Variants in SNX1 observed in about 807,000 individuals in gnomAD.
The protein encoded by SNX1 is sorting nexin-1.
In SNX1, 36 loss-of-function variants were observed where a neutral mutation model predicts 71.8. That is an observed-to-expected ratio of 0.50 (90% CI 0.38 to 0.66). The LOEUF (loss-of-function observed/expected upper bound fraction) is 0.66. Among genes scored for constraint, SNX1 ranks in the 30% least tolerant of loss-of-function variants. The probability of loss-of-function intolerance (pLI) is 0.00; values close to 1 mark genes in which losing one functional copy is unlikely to be tolerated. For synonymous variants in SNX1, 254 were observed against 240.7 expected, an observed-to-expected ratio of 1.06 and a Z score of -0.51; for missense variants, 612 against 646.7, an observed-to-expected ratio of 0.95 and a Z score of 0.58.
chr15:64,102,998 C>T (rs2080980732), intron 1 of SNX1, among the ~76,000 whole-genome samples: 1 of 152,028 alleles, frequency 6.6e-6, no homozygotes, highest in South Asian at 2.1e-4. Flanking sequence ...AACTCCTGGG[C>T]TCAAGTGATG....
rs1226372712 is a variant in SNX1, at chr15:64,139,996, CAGTT to C, written c.*2379_*2382del. The stretch of plus-strand genomic sequence containing the variant: ...GTGCGTCGTAATCAGCATATAATGT[CAGTT>C]GGTCCCATTAATGTTGTTAACTCTG... On this transcript the variant is annotated 3_prime_UTR_variant, in exon 15 of 15. Coordinates refer to ENST00000559844, the MANE Select transcript of SNX1 (RefSeq NM_003099.5). The C allele has an allele frequency of 6.6e-6, 1 of 152,130 alleles. No individual in the cohort carries two copies. The highest frequency in any genetic ancestry group is 2.4e-5 in the African/African-American group (1 of 41,414). 9.4% of individuals were successfully genotyped at this position (152,130 alleles called of 1,614,324 possible). A position where few individuals can be genotyped will look rare whatever the true frequency, so the allele number is the denominator to read the frequency against.
intron 1 of SNX1, among the ~76,000 whole-genome samples, chr15:64,102,048 A>T (rs1341999847): frequency 1.3e-5 from 2 of 152,246 alleles, no homozygotes; most frequent in Non-Finnish European, 2.9e-5. Flanking sequence ...AAGAAAAAAA[A>T]TTAAAGAATA....
rs1278999971 is a variant in SNX1, at chr15:64,135,763, A to AAG, written c.1366-566_1366-565insGA. ...ACAGAGCAAGACTCTGTCTCAAAAA[A>AAG]AAAAAAAAAAAAATTAGACGTGATG... On this transcript the variant is annotated intron_variant, in intron 12 of 14. Transcript: ENST00000559844. Among the ~76,000 whole-genome samples, 7 of 151,412 alleles carry AAG rather than the reference A, an allele frequency of 4.6e-5. No individual in the cohort carries two copies. The East Asian group carries it at 1.4e-3, about 30-fold the overall frequency.
Position 64,142,824 on chromosome 15 carries a change from G to A in SNX1, c.*5206G>A, listed in dbSNP as rs569472803. The A allele has an allele frequency of 1.1e-4, 39 of 351,122 alleles. No homozygotes were observed. In the East Asian group the frequency reaches 2.3e-3, roughly 21 times the overall value. 21.8% of individuals were successfully genotyped at this position (351,122 alleles called of 1,614,324 possible). A position where few individuals can be genotyped will look rare whatever the true frequency, so the allele number is the denominator to read the frequency against. ...GAGAGAAACGGGAATAAGAATTGTCGCCTACACAAAAATACCAGCAACTGT... is the reference window on the plus strand; with the variant it reads ...GAGAGAAACGGGAATAAGAATTGTCACCTACACAAAAATACCAGCAACTGT... On this transcript the variant is annotated 3_prime_UTR_variant, in exon 15 of 15. Transcript: ENST00000559844.
intron 4 of SNX1, among the ~76,000 whole-genome samples, chr15:64,123,080 C>T (rs560421412): frequency 1.3e-5 from 2 of 152,244 alleles, no homozygotes; most frequent in South Asian, 4.1e-4. Flanking sequence ...TACTTGTTTC[C>T]TTTTATATCA....
At chr15:64,113,928 G>A (rs1392449337) in intron 2 of SNX1, among the ~76,000 whole-genome samples, 5 of 152,172 alleles carry the variant, frequency 3.3e-5, no homozygotes, top group Non-Finnish European at 5.9e-5. Flanking sequence ...TGGTTGGGCA[G>A]GAAGTATAAG....
chr15:64,112,031 G>C (rs2081082558), intron 1 of SNX1, among the ~76,000 whole-genome samples: 1 of 152,226 alleles, frequency 6.6e-6, no homozygotes, highest in Non-Finnish European at 1.5e-5. Flanking sequence ...GTATTTGTGT[G>C]AGTTAAGGAT....
intron 13 of SNX1, 73 bp downstream of exon 13, chr15:64,136,483 T>A: frequency 1.5e-6 from 2 of 1,311,162 alleles, no homozygotes; most frequent in South Asian, 1.2e-5. Context: ...GTTGTCCAAC[T>A]CTGTTGGGTA....
intron 2 of SNX1, among the ~76,000 whole-genome samples, chr15:64,113,566 T>C (rs1252123279): frequency 6.6e-6 from 1 of 152,170 alleles, no homozygotes; most frequent in East Asian, 1.9e-4. Context: ...ACACCCGTAA[T>C]CCCAGCACTT....
In SNX1 at chr15:64,126,226, C is replaced by G. The variant is rs2081250931; in HGVS notation, c.652+6C>G. 1 of 1,610,252 alleles carries G rather than the reference C, an allele frequency of 6.2e-7. No individual in the cohort carries two copies. The highest frequency in any genetic ancestry group is 1.1e-5 in the South Asian group (1 of 90,856). On this transcript the variant is annotated splice_donor_region_variant and intron_variant, in intron 6 of 14. Transcript: ENST00000559844. ...CCCGGAGAAGAGCCTCATAGGTAAG[C>G]CTGTGGTCTTTCATTCCACTTGGAT...
intron 1 of SNX1, among the ~76,000 whole-genome samples, chr15:64,108,260 G>A (rs1244942496): frequency 6.6e-6 from 1 of 151,718 alleles, no homozygotes; most frequent in African/African-American, 2.4e-5. Context: ...AATGTAATCA[G>A]TACGTTCTTT....
intron 12 of SNX1, chr15:64,135,104 A>G (rs2081344779): frequency 2.8e-6 from 1 of 363,566 alleles, no homozygotes; most frequent in African/African-American, 2.1e-5. Context: ...ACTTGAGGTC[A>G]GAGGTTTTTT....
rs973770706 is a variant in SNX1 at position 64,129,841 on chromosome 15, G to A, written c.808-75G>A. On this transcript the variant is annotated intron_variant, in intron 8 of 14. Coordinates refer to ENST00000559844, the MANE Select transcript of SNX1 (RefSeq NM_003099.5). The surrounding 1 kb of genome is among the most constrained non-coding windows in gnomAD (Gnocchi z 4.4). ...TCTGGCAAGTTTTGGCATGCCATCTGATGGATACTAATTCTTCTGAACCTA... is the reference window on the plus strand; with the variant it reads ...TCTGGCAAGTTTTGGCATGCCATCTAATGGATACTAATTCTTCTGAACCTA... The A allele has an allele frequency of 2.7e-5, 29 of 1,085,432 alleles. No individual in the cohort carries two copies. The highest frequency in any genetic ancestry group is 3.8e-5 in the Non-Finnish European group (27 of 702,396). 67.2% of individuals were successfully genotyped at this position (1,085,432 alleles called of 1,614,324 possible).
chr15:64,126,668 C>G (rs1395836272), intron 6 of SNX1, among the ~76,000 whole-genome samples: 1 of 152,288 alleles, frequency 6.6e-6, no homozygotes, highest in African/African-American at 2.4e-5. Flanking sequence ...AAACCTCCAC[C>G]TTCCGGGTTC....
At chr15:64,135,222 A>G (rs1356385103) in intron 12 of SNX1, among the ~76,000 whole-genome samples, 2 of 151,798 alleles carry the variant, frequency 1.3e-5, no homozygotes, top group African/African-American at 2.4e-5. Context: ...GGTTCACGCC[A>G]TTCTCCTGCC....
chr15:64,138,019 G>A lies in SNX1; in HGVS notation c.*401G>A, dbSNP rs539525775. 8.6e-6 allele frequency: 13 copies of A among 1,509,842 alleles called. No homozygotes were observed. The East Asian group carries it at 3.0e-4, about 34-fold the overall frequency. The allele number at this position is 1,509,842 out of a possible 1,614,324, so 93.5% of individuals were successfully genotyped here. ...TTTTAAAATCAGGTCACATGACTCA[G>A]AATGTTGGTGGTTTTTGCTTAGGCT... On this transcript the variant is annotated 3_prime_UTR_variant, in exon 15 of 15. Coordinates refer to ENST00000559844, the MANE Select transcript of SNX1 (RefSeq NM_003099.5).
At position 64,112,686 on chromosome 15, in the gene SNX1, C is replaced by T. The variant is rs2081089303; in HGVS notation, c.271+2C>T. 1 of 1,596,250 alleles carries T rather than the reference C, an allele frequency of 6.3e-7. No homozygotes were observed. The highest frequency in any genetic ancestry group is 1.7e-5 in the Admixed American group (1 of 58,926). On this transcript the variant is annotated splice_donor_variant, in intron 2 of 14. Coordinates refer to ENST00000559844, the MANE Select transcript of SNX1 (RefSeq NM_003099.5). LOFTEE classifies it low-confidence loss of function (GC_TO_GT_DONOR). Reference sequence around the variant, plus strand: ...AAGAGCCACAGGATCTCTTTGCAGGCAAGTTTGGACTCAAAAGTTACTCTA... The same window carrying T: ...AAGAGCCACAGGATCTCTTTGCAGGTAAGTTTGGACTCAAAAGTTACTCTA...
At chr15:64,110,536 A>G (rs1053465333) in intron 1 of SNX1, among the ~76,000 whole-genome samples, 3 of 152,208 alleles carry the variant, frequency 2.0e-5, no homozygotes, top group Admixed American at 6.5e-5. Context: ...AGCTGGGGCT[A>G]CAGGTGCACA....
rs368065722 is a variant in SNX1, at chr15:64,104,992, T to C, written c.160-7581T>C. ...GCTCACGCCTGTAATCCCAGCACTT[T>C]GGGAGGCTGAGGTGGGTGGATCACC... is the stretch of plus-strand genomic sequence containing the variant. On this transcript the variant is annotated intron_variant, in intron 1 of 14. Transcript: ENST00000559844. 3.7e-4 allele frequency among the ~76,000 whole-genome samples: 56 copies of C among 151,686 alleles called. No individual in the cohort carries two copies. In the East Asian group the frequency reaches 0.01, roughly 28 times the overall value.
Sources: gnomAD v4.1 joint callset for allele counts (sites outside exome capture counted in the v4.1 genomes callset) on GRCh38, gnomAD v4.1.1 for gene constraint, Gnocchi (gnomAD v3.1) non-coding constraint, MANE v1.5 for transcripts, NCBI Gene and HGNC (gene_info 2026-07-23, HGNC 2026-07-21) for gene names.